The following FLII variants were observed in gnomAD, a reference collection of about 807,000 sequenced individuals.
FLII encodes FLII actin remodeling protein.
In FLII, 101 loss-of-function variants were observed where a neutral mutation model predicts 156.2. The observed-to-expected ratio is 0.65, with a 90% CI of 0.55 to 0.76. The LOEUF is 0.76. FLII is among the 30% of genes least tolerant of loss of function. FLII has a pLI of 0.00. For missense variants in FLII, 1,675 were observed against 1,682.8 expected, an observed-to-expected ratio of 1.00 and a Z score of 0.08; for synonymous variants, 767 against 685.8, an observed-to-expected ratio of 1.12 and a Z score of -1.85.
At position 18,252,568 on chromosome 17, in the gene FLII, G is replaced by C. The variant is rs772077206; in HGVS notation, c.1014-12C>G. On this transcript the variant is annotated splice_polypyrimidine_tract_variant and intron_variant, in intron 9 of 29. Transcript: ENST00000327031. ...TCAGCTTTGGGCACCTGTGAAGACA[G>C]GGCCAGCCAGGGCCTCAGGCAGGTG... The C allele has an allele frequency of 6.2e-7, 1 of 1,608,734 alleles. No homozygotes were observed. The highest frequency in any genetic ancestry group is 8.5e-7 in the Non-Finnish European group (1 of 1,175,716).
At chr17:18,251,593 C>A in intron 12 of FLII, 87 bp downstream of exon 12, 1 of 1,590,474 alleles carries the variant, frequency 6.3e-7, no homozygotes, top group Non-Finnish European at 8.6e-7. Context: ...CAGCACCCCC[C>A]GTCCCTCTTG....
In FLII at chr17:18,253,658, G is replaced by C; in HGVS notation, c.741C>G (p.Ser247Arg). 6.2e-7 allele frequency: 1 copy of C among 1,613,912 alleles called. No individual in the cohort carries two copies. The highest frequency in any genetic ancestry group is 8.5e-7 in the Non-Finnish European group (1 of 1,180,016). The change falls in exon 8 of 30, where the codon AGC (serine) becomes AGG (arginine). Residue 247 changes from serine (S) to arginine (R), a missense_variant. Coordinates refer to ENST00000327031, the MANE Select transcript of FLII (RefSeq NM_002018.4). ...TGCTGCTGAGGTTGAGGCGGCGCAG[G>C]CTGGGGAGGGTGTACAGACACTCGG... ...RVPECLYTLPSLRRLNLSSNQ... is the reference protein window; with the variant it reads ...RVPECLYTLPRLRRLNLSSNQ...
At chr17:18,245,878 G>T (rs745480480) in intron 26 of FLII, 28 bp from the exon 27 acceptor site, 1 of 1,613,852 alleles carries the variant, frequency 6.2e-7, no homozygotes, top group East Asian at 2.2e-5. Context: ...CCAGCCCAGG[G>T]CCCCTGCCTG....
Position 18,252,483 on chromosome 17 carries a change from T to C in FLII, c.1087A>G (p.Thr363Ala), listed in dbSNP as rs2048300879. 6.2e-7 allele frequency: 1 copy of C among 1,613,522 alleles called. No homozygotes were observed. ...CCAGCATGCCTGACCTCGATCTCCG[T>C]CAGGAAATGGATGGCTTCTGGGAGG... ...VTLPEAIHFLTEIEVLDVREN... is the reference protein window; with the variant it reads ...VTLPEAIHFLAEIEVLDVREN... The change falls in exon 10 of 30, where the codon ACG (threonine) becomes GCG (alanine). Residue 363 changes from threonine to alanine, a missense_variant. Physicochemically the swap from Thr to Ala is moderately conservative, Grantham distance 58 (BLOSUM62 0). This residue lies in a region of FLII where 1,332 missense variants were observed against 1,269.3 expected (regional missense o/e 1.05). Coordinates refer to ENST00000327031, the MANE Select transcript of FLII (RefSeq NM_002018.4).
chr17:18,252,225 G>A, intron 10 of FLII, 79 bp from the exon 11 acceptor site: 1 of 1,362,828 alleles, frequency 7.3e-7, no homozygotes, highest in Non-Finnish European at 1.0e-6. Flanking sequence ...TCTTGCTCTT[G>A]TCTGCAGCCG....
chr17:18,245,934 C>T lies in FLII; in HGVS notation c.3396G>A (p.Gln1132=). Residue 1132 remains glutamine, a splice_region_variant and synonymous_variant, in exon 26 of 30, where the codon CAG becomes CAA. Coordinates refer to ENST00000327031, the MANE Select transcript of FLII (RefSeq NM_002018.4). ...NTMFDTSYSK[Q]VINEGEEPEN... ...CCCGCCTGCCCGCCCGCCTCCTGAC[C>T]TGCTTGCTGTAGGAGGTGTCAAACA... 6.2e-7 allele frequency: 1 copy of T among 1,614,110 alleles called. No individual in the cohort carries two copies.
rs760790309 is a variant in FLII at position 18,251,045 on chromosome 17, G to C, written c.1597-28C>G. 14 of 1,601,868 alleles carry C rather than the reference G, an allele frequency of 8.7e-6. No individual in the cohort carries two copies. In the South Asian group the frequency reaches 8.9e-5, roughly 10 times the overall value. ...GGAAGCCAAGGCACCGGCCACATCA[G>C]CTTTCATCCTGGTCTTCCGGCCACC... On this transcript the variant is annotated intron_variant, in intron 13 of 29. Coordinates refer to ENST00000327031, the MANE Select transcript of FLII (RefSeq NM_002018.4).
At position 18,252,036 on chromosome 17, in the gene FLII, C is replaced by T. The variant is rs1407694573; in HGVS notation, c.1209G>A (p.Ala403=). 5.0e-6 allele frequency: 8 copies of T among 1,613,020 alleles called. No individual in the cohort carries two copies. Among genetic ancestry groups the T allele is most frequent in the East Asian group, 2.2e-5 (1 of 44,890 alleles). Residue 403 remains alanine (A), a synonymous_variant, in exon 11 of 30, where the codon GCG becomes GCA. Transcript: ENST00000327031. The part of the protein sequence containing the change: ...DFSLQNQLRL[A]GASPATVAAA... Reference sequence around the variant, plus strand: ...CAGCCACGGTAGCAGGAGAGGCACCCGCTAGCCGCAGCTGGTTCTGCAGCG... The same window carrying T: ...CAGCCACGGTAGCAGGAGAGGCACCTGCTAGCCGCAGCTGGTTCTGCAGCG...
Position 18,251,043 on chromosome 17 carries a change from C to G in FLII, c.1597-26G>C, listed in dbSNP as rs995429957. On this transcript the variant is annotated intron_variant, in intron 13 of 29. Coordinates refer to ENST00000327031, the MANE Select transcript of FLII (RefSeq NM_002018.4). ...CTGGAAGCCAAGGCACCGGCCACATCAGCTTTCATCCTGGTCTTCCGGCCA... is the reference window on the plus strand; with the variant it reads ...CTGGAAGCCAAGGCACCGGCCACATGAGCTTTCATCCTGGTCTTCCGGCCA... 6 of 1,603,202 alleles carry G rather than the reference C, an allele frequency of 3.7e-6. No homozygotes were observed. The African/African-American group carries it at 8.0e-5, about 21-fold the overall frequency.
At position 18,245,805 on chromosome 17, in the gene FLII, T is replaced by C. The variant is rs769640403; in HGVS notation, c.3442A>G (p.Ile1148Val). 5 of 1,614,030 alleles carry C rather than the reference T, an allele frequency of 3.1e-6. No individual in the cohort carries two copies. The highest frequency in any genetic ancestry group is 4.2e-6 in the Non-Finnish European group (5 of 1,179,986). Residue 1148 changes from isoleucine to valine, a missense_variant, in exon 27 of 30, where the codon ATT becomes GTT. This residue lies in a region of FLII where 1,332 missense variants were observed against 1,269.3 expected (regional missense o/e 1.05). Coordinates refer to ENST00000327031, the MANE Select transcript of FLII (RefSeq NM_002018.4). ...EEPENFFWVGIGAQKPYDDDA... is the reference protein window; with the variant it reads ...EEPENFFWVGVGAQKPYDDDA... ...TCATCATAGGGCTTCTGTGCCCCAATGCCCACCCAGAAGAAGTTCTCAGGC... is the reference window on the plus strand; with the variant it reads ...TCATCATAGGGCTTCTGTGCCCCAACGCCCACCCAGAAGAAGTTCTCAGGC...
intron 9 of FLII, 103 bp from the exon 10 acceptor site, chr17:18,252,659 G>T (rs1388559191): frequency 1.2e-5 from 10 of 865,874 alleles, no homozygotes; most frequent in Non-Finnish European, 2.0e-5. Flanking sequence ...AGGGTCAGAG[G>T]AACTGGCGGG....
chr17:18,256,927 C>A lies in FLII; in HGVS notation c.156G>T (p.Leu52=), dbSNP rs532815208. The stretch of plus-strand genomic sequence containing the variant: ...CCCTTACCAGCTTCTGCAGGGCGGC[C>A]AGCTCCTCGGGCAGGTAGCAGAGGC... ...RTGLCYLPEE[L]AALQKLEHLS... Residue 52 remains leucine, a synonymous_variant, in exon 2 of 30, where the codon CTG becomes CTT. Coordinates refer to ENST00000327031, the MANE Select transcript of FLII (RefSeq NM_002018.4). 15 of 1,609,954 alleles carry A rather than the reference C, an allele frequency of 9.3e-6. No individual in the cohort carries two copies. Among genetic ancestry groups the A allele is most frequent in the Non-Finnish European group, 1.0e-5 (12 of 1,178,244 alleles).
At chr17:18,250,171 G>A (rs566248043) in intron 14 of FLII, among the ~76,000 whole-genome samples, 1 of 152,174 alleles carries the variant, frequency 6.6e-6, no homozygotes, top group African/African-American at 2.4e-5. Flanking sequence ...TCGGGGTGTT[G>A]GGATGTATGA....
intron 4 of FLII, 70 bp downstream of exon 4, chr17:18,255,113 G>T (rs2048376903): frequency 1.6e-6 from 2 of 1,228,614 alleles, no homozygotes; most frequent in African/African-American, 1.5e-5. Flanking sequence ...TGGCCCCAGG[G>T]ACTTTTATAG....
upstream of FLII, chr17:18,258,798 C>G (rs2048509487): frequency 1.5e-6 from 1 of 645,528 alleles, no homozygotes; most frequent in Non-Finnish European, 2.1e-6. This position sits in a 1 kb window ranked among gnomAD's most constrained non-coding sequence, Gnocchi z 4.2. Context: ...TTAACCCGCC[C>G]GCGCCCGCCG....
rs1479915474 is a variant in FLII, at chr17:18,251,246, C to G, written c.1596+19G>C. ...AGGTACTGGGCCACATGGCCCCTAA[C>G]AGCATGCCCAGCCCTCACCTTGAGC... is the stretch of plus-strand genomic sequence containing the variant. On this transcript the variant is annotated intron_variant, in intron 13 of 29. Transcript: ENST00000327031. 1 of 1,610,860 alleles carries G rather than the reference C, an allele frequency of 6.2e-7. No individual in the cohort carries two copies. Among genetic ancestry groups the G allele is most frequent in the South Asian group, 1.1e-5 (1 of 90,884 alleles).
Position 18,251,810 on chromosome 17 carries a change from C to A in FLII, c.1253G>T (p.Ser418Ile), listed in dbSNP as rs1191037735. 2 of 1,613,640 alleles carry A rather than the reference C, an allele frequency of 1.2e-6. No individual in the cohort carries two copies. The highest frequency in any genetic ancestry group is 2.2e-5 in the South Asian group (2 of 91,094). ...GCGAGCCATAGGGTCCTTGGGCCCA[C>A]TCCCTGCTTAGGGGAGGGGCAAACA... ...ATVAAAAAAG[S>I]GPKDPMARKM... Residue 418 changes from serine to isoleucine, a missense_variant, in exon 12 of 30, where the codon AGT becomes ATT. Transcript: ENST00000327031.
At chr17:18,253,830 A>C (rs1480748506) in intron 7 of FLII, 111 bp from the exon 8 acceptor site, 2 of 1,131,520 alleles carry the variant, frequency 1.8e-6, no homozygotes, top group African/African-American at 1.6e-5. Flanking sequence ...GGCTTAGGCA[A>C]GTGACAACTG....
rs200004004 is a variant in FLII at position 18,245,782 on chromosome 17, A to G, written c.3465T>C (p.Asp1155=). The change falls in exon 27 of 30, where the codon GAT becomes GAC. Residue 1155 remains aspartate (D), a synonymous_variant. Transcript: ENST00000327031. ...WVGIGAQKPY[D]DDAEYMKHTR... ...TGTGTTTCATGTACTCGGCATCGTC[A>G]TCATAGGGCTTCTGTGCCCCAATGC... is the stretch of plus-strand genomic sequence containing the variant. 140 of 1,614,016 alleles carry G rather than the reference A, an allele frequency of 8.7e-5. No individual in the cohort carries two copies. In the Middle Eastern group the frequency reaches 6.3e-3, roughly 72 times the overall value.
Sources: allele counts gnomAD v4.1 joint callset (sites outside exome capture counted in the v4.1 genomes callset), GRCh38; gene constraint gnomAD v4.1.1; regional missense constraint gnomAD v4.1.1; non-coding constraint Gnocchi (gnomAD v3.1); transcripts MANE v1.5; gene names NCBI Gene and HGNC (gene_info 2026-07-23, HGNC 2026-07-21).